The following DCDC1 variants were observed in gnomAD, a reference collection of about 807,000 sequenced individuals.
The protein encoded by DCDC1 is doublecortin domain-containing protein 1.
In DCDC1, 200 loss-of-function variants were observed where a neutral mutation model predicts 178.3. That is an observed-to-expected ratio of 1.12 (90% CI 1.00 to 1.26). The LOEUF is 1.26. Among genes scored for constraint, DCDC1 ranks in the 50% most tolerant of loss-of-function variants. DCDC1 has a pLI of 0.00. For synonymous variants in DCDC1, 690 were observed against 604.8 expected (o/e 1.14, Z -2.07); for missense variants, 1,983 against 1,749.2 (o/e 1.13, Z -2.38).
At chr11:31,264,966 G>A (rs1222537785) in intron 8 of DCDC1, among the ~76,000 whole-genome samples, 1 of 152,054 alleles carries the variant, frequency 6.6e-6, no homozygotes, top group Non-Finnish European at 1.5e-5. Flanking sequence ...CTACAAATCA[G>A]GGACTTTTTT....
chr11:30,953,325 T>TA (rs1375726746), intron 20 of DCDC1, among the ~76,000 whole-genome samples: 1 of 149,154 alleles, frequency 6.7e-6, no homozygotes, highest in Admixed American at 6.7e-5. Flanking sequence ...ATATATTAAT[T>TA]ATAAGTAAAC....
chr11:30,920,688 C>T (rs1946187514), intron 25 of DCDC1, 88 bp downstream of exon 25: 1 of 1,477,760 alleles, frequency 6.8e-7, no homozygotes. Context: ...GGCATGAGCT[C>T]CCTGCATGGG....
At chr11:31,000,830 A>G (rs1309850716) in intron 20 of DCDC1, among the ~76,000 whole-genome samples, 1 of 152,118 alleles carries the variant, frequency 6.6e-6, no homozygotes, top group Non-Finnish European at 1.5e-5. Flanking sequence ...TTTATTTTTG[A>G]TATAATTTCA....
intron 8 of DCDC1, 24 bp downstream of exon 8, chr11:31,265,483 G>T: frequency 7.9e-7 from 1 of 1,271,336 alleles, no homozygotes; most frequent in Non-Finnish European, 1.1e-6. Flanking sequence ...TTATCAAATG[G>T]TTTACAAAAT....
rs1940820210 is a variant in DCDC1 at position 30,864,225 on chromosome 11, T to C, written c.*1148A>G. The C allele has an allele frequency of 6.6e-6, 1 of 152,240 alleles. No individual in the cohort carries two copies. Among genetic ancestry groups the C allele is most frequent in the Non-Finnish European group, 1.5e-5 (1 of 68,042 alleles). 9.4% of individuals were successfully genotyped at this position (152,240 alleles called of 1,614,324 possible). On this transcript the variant is annotated 3_prime_UTR_variant, in exon 39 of 39. Transcript: ENST00000684477. Reference sequence around the variant, plus strand: ...CCAAATCAACTTGAGAACTGCTTCATGATTGCCTGTCGAAGTCTCAAATGT... The same window carrying C: ...CCAAATCAACTTGAGAACTGCTTCACGATTGCCTGTCGAAGTCTCAAATGT...
chr11:31,046,588 T>C (rs1954855788), intron 20 of DCDC1, among the ~76,000 whole-genome samples: 1 of 147,770 alleles, frequency 6.8e-6, no homozygotes, highest in Non-Finnish European at 1.5e-5. Context: ...GTCCTGTTAA[T>C]CTCAAAGTGT....
chr11:31,290,971 C>T lies in DCDC1; in HGVS notation c.755-119G>A, dbSNP rs1257620673. On this transcript the variant is annotated intron_variant, in intron 6 of 38. Transcript: ENST00000684477. ...ACACTGGCCAGTCTCCATTTAGATG[C>T]TGGTTTTCTGAAATGCTACCACCAG... 12 of 892,356 alleles carry T rather than the reference C, an allele frequency of 1.3e-5. No individual in the cohort carries two copies. The South Asian group carries it at 2.1e-4, about 15-fold the overall frequency. The allele number at this position is 892,356 out of a possible 1,614,324, so 55.3% of individuals were successfully genotyped here.
At chr11:31,207,376 A>C (rs553083422) in intron 9 of DCDC1, among the ~76,000 whole-genome samples, 2 of 152,354 alleles carry the variant, frequency 1.3e-5, no homozygotes, top group East Asian at 3.9e-4. Flanking sequence ...AAGGGTGTCC[A>C]TGTGTGTCTT....
intron 9 of DCDC1, among the ~76,000 whole-genome samples, chr11:31,160,394 T>G (rs1966202197): frequency 6.6e-6 from 1 of 152,190 alleles, no homozygotes; most frequent in African/African-American, 2.4e-5. Context: ...ATATAAAAAC[T>G]TTATGCTATA....
chr11:31,125,096 C>T (rs1389503779), intron 11 of DCDC1, among the ~76,000 whole-genome samples: 1 of 151,778 alleles, frequency 6.6e-6, no homozygotes, highest in East Asian at 1.9e-4. Flanking sequence ...AAAACAACCC[C>T]ATTAAAAAGT....
rs1353629739 is a variant in DCDC1 at position 31,150,907 on chromosome 11, G to A, written c.1222-13123C>T. Among the ~76,000 whole-genome samples, 4 of 152,196 alleles carry A rather than the reference G, an allele frequency of 2.6e-5. No individual in the cohort carries two copies. In the East Asian group the frequency reaches 5.8e-4, roughly 22 times the overall value. ...GTGGGAATCAAAAAAAGAATGTAGTGTAAATTGTGTCAGGCAATGGAAGAT... is the reference window on the plus strand; with the variant it reads ...GTGGGAATCAAAAAAAGAATGTAGTATAAATTGTGTCAGGCAATGGAAGAT... On this transcript the variant is annotated intron_variant, in intron 9 of 38. Transcript: ENST00000684477.
intron 7 of DCDC1, among the ~76,000 whole-genome samples, chr11:31,272,815 T>C (rs1347045928): frequency 6.6e-6 from 1 of 152,240 alleles, no homozygotes; most frequent in Non-Finnish European, 1.5e-5. Flanking sequence ...CATTTCCAGA[T>C]GCATGGTGCA....
At chr11:31,132,588 C>T (rs1204782676) in intron 10 of DCDC1, among the ~76,000 whole-genome samples, 1 of 151,914 alleles carries the variant, frequency 6.6e-6, no homozygotes, top group Non-Finnish European at 1.5e-5. Flanking sequence ...CTTTTGTGAT[C>T]CCAGCATTAA....
intron 20 of DCDC1, among the ~76,000 whole-genome samples, chr11:30,985,362 A>C (rs541302960): frequency 3.0e-4 from 45 of 152,338 alleles, no homozygotes; most frequent in African/African-American, 1.1e-3. Context: ...CAGAATGATT[A>C]TCTCTCTTTT....
chr11:31,228,742 T>C (rs1975345599), intron 9 of DCDC1, among the ~76,000 whole-genome samples: 1 of 152,128 alleles, frequency 6.6e-6, no homozygotes, highest in Non-Finnish European at 1.5e-5. Context: ...AAATGAATGA[T>C]AATAAATATT....
intron 9 of DCDC1, among the ~76,000 whole-genome samples, chr11:31,174,149 G>T (rs1329289705): frequency 1.3e-5 from 2 of 151,838 alleles, no homozygotes; most frequent in Non-Finnish European, 2.9e-5. Flanking sequence ...ACCCTCCCAG[G>T]TGCAACTGCA....
intron 10 of DCDC1, among the ~76,000 whole-genome samples, chr11:31,132,385 A>C (rs1023733165): frequency 1.3e-5 from 2 of 152,246 alleles, no homozygotes; most frequent in African/African-American, 4.8e-5. Flanking sequence ...CTCATATACT[A>C]AAATCAGGTA....
chr11:30,959,898 T>A (rs1407880521), intron 20 of DCDC1, among the ~76,000 whole-genome samples: 1 of 152,188 alleles, frequency 6.6e-6, no homozygotes, highest in Non-Finnish European at 1.5e-5. Flanking sequence ...CCTGGTACTT[T>A]ATTTCCCTCC....
At chr11:31,290,510 A>T (rs568706199) in intron 7 of DCDC1, 137 bp downstream of exon 7, 1 of 912,004 alleles carries the variant, frequency 1.1e-6, no homozygotes. Flanking sequence ...GTTTATACAG[A>T]ATTTTTTAGT....
Sources: gnomAD v4.1 joint callset for allele counts (sites outside exome capture counted in the v4.1 genomes callset) on GRCh38, gnomAD v4.1.1 for gene constraint, MANE v1.5 for transcripts, NCBI Gene and HGNC (gene_info 2026-07-23, HGNC 2026-07-21) for gene names.